Variants in DICER1 observed in about 807,000 individuals in gnomAD.
DICER1 encodes endoribonuclease Dicer.
In DICER1, 43 loss-of-function variants were observed where a neutral mutation model predicts 194.1. That is an observed-to-expected ratio of 0.22 (90% CI 0.17 to 0.29). The LOEUF (loss-of-function observed/expected upper bound fraction) is 0.29, where lower values mean the gene tolerates loss of function less well. Among genes scored for constraint, DICER1 ranks in the 10% least tolerant of loss-of-function variants. DICER1 has a pLI of 1.00. For missense variants in DICER1, 1,608 were observed against 2,317.0 expected, an observed-to-expected ratio of 0.69 and a Z score of 6.28; for synonymous variants, 832 against 820.5, an observed-to-expected ratio of 1.01 and a Z score of -0.24.
rs765918712 is a variant in DICER1 at position 95,108,516 on chromosome 14, A to T, written c.2257-13T>A. ...AACACTCTGGAATCTAGAGTTGGAA[A>T]GGAAAATTAAGCGTCATGCTCAAGC... On this transcript the variant is annotated splice_polypyrimidine_tract_variant and intron_variant, in intron 14 of 26. Transcript: ENST00000343455. 1.7e-5 allele frequency: 28 copies of T among 1,612,876 alleles called. No homozygotes were observed. Among genetic ancestry groups the T allele is most frequent in the Non-Finnish European group, 2.4e-5 (28 of 1,178,932 alleles).
intron 9 of DICER1, among the ~76,000 whole-genome samples, chr14:95,117,033 C>T (rs1892536250): frequency 6.6e-6 from 1 of 152,164 alleles, no homozygotes. Flanking sequence ...AGGCCTTCAA[C>T]AGGAATTATT....
chr14:95,145,876 G>A lies in DICER1; in HGVS notation c.-46+11354C>T, dbSNP rs1220012297. On this transcript the variant is annotated intron_variant, in intron 1 of 26. Coordinates refer to ENST00000343455, the MANE Select transcript of DICER1 (RefSeq NM_177438.3). The stretch of plus-strand genomic sequence containing the variant: ...TTAAAATTCGCTGCACATTAACCTA[G>A]TCATTACCACACACACAAAAAAAAC... Among the ~76,000 whole-genome samples, 7 of 151,692 alleles carry A rather than the reference G, an allele frequency of 4.6e-5. No homozygotes were observed. The East Asian group carries it at 1.4e-3, about 29-fold the overall frequency.
At chr14:95,106,305 G>C (rs554264393) in intron 17 of DICER1, 82 bp from the exon 18 acceptor site, 3 of 1,043,592 alleles carry the variant, frequency 2.9e-6, no homozygotes, top group Non-Finnish European at 4.4e-6. Context: ...TTGTAGTATG[G>C]AAATGATGAT....
rs899822269 is a variant in DICER1 at position 95,132,599 on chromosome 14, C to A, written c.223G>T (p.Val75Leu). 1 of 1,613,500 alleles carries A rather than the reference C, an allele frequency of 6.2e-7. No homozygotes were observed. The highest frequency in any genetic ancestry group is 1.3e-5 in the African/African-American group (1 of 74,884). ...NTGSGKTFIA[V>L]LLTKELSYQI... ...TAGGACAGCTCTTTAGTGAGTAGTA[C>A]TGCAATAAATGTCTTCCCTGAGCCA... is the stretch of plus-strand genomic sequence containing the variant. The change falls in exon 3 of 27, where the codon GTA becomes TTA. Residue 75 changes from valine to leucine, a missense_variant. Val to Leu is a conservative substitution (Grantham distance 32, BLOSUM62 1). Coordinates refer to ENST00000343455, the MANE Select transcript of DICER1 (RefSeq NM_177438.3).
At position 95,130,138 on chromosome 14, in the gene DICER1, A is replaced by G. The variant is rs894664317; in HGVS notation, c.493T>C (p.Ser165Pro). The G allele has an allele frequency of 1.2e-5, 20 of 1,613,160 alleles. No homozygotes were observed. The highest frequency in any genetic ancestry group is 1.4e-5 in the Non-Finnish European group (17 of 1,179,512). ...ALNVLKNGYL[S>P]LSDINLLVFD... ...ACCAAAAGGTTAATGTCTGACAGTGATAAGTAACCATTTTTCAAAACATTC... is the reference window on the plus strand; with the variant it reads ...ACCAAAAGGTTAATGTCTGACAGTGGTAAGTAACCATTTTTCAAAACATTC... The change falls in exon 5 of 27, where the codon TCA (serine) becomes CCA (proline). Residue 165 changes from serine (S) to proline (P), a missense_variant. Around this residue, in one of 10 missense-constraint regions of DICER1, gnomAD observed 657 missense variants for 910.1 expected, o/e 0.72. Transcript: ENST00000343455.
intron 11 of DICER1, among the ~76,000 whole-genome samples, chr14:95,113,829 G>A (rs1452739468): frequency 6.6e-6 from 1 of 152,216 alleles, no homozygotes; most frequent in African/African-American, 2.4e-5. Flanking sequence ...ATGGGCAGCA[G>A]CCCTGTGAGG....
chr14:95,129,396 G>A, intron 6 of DICER1, 76 bp downstream of exon 6: 1 of 1,390,764 alleles, frequency 7.2e-7, no homozygotes, highest in Non-Finnish European at 1.0e-6. Flanking sequence ...TCTCTGCAAG[G>A]TACTACAAAA....
intron 1 of DICER1, among the ~76,000 whole-genome samples, chr14:95,138,289 G>GT (rs747551131): frequency 1.5e-4 from 23 of 150,476 alleles, no homozygotes; most frequent in Non-Finnish European, 2.8e-4. Flanking sequence ...AAAATGATAG[G>GT]TAGCTGGTTT....
At chr14:95,146,609 A>G (rs903796424) in intron 1 of DICER1, among the ~76,000 whole-genome samples, 4 of 152,200 alleles carry the variant, frequency 2.6e-5, no homozygotes, top group African/African-American at 9.6e-5. Flanking sequence ...ATGCAGAACA[A>G]GAACTCAGGA....
intron 26 of DICER1, 45 bp downstream of exon 26, chr14:95,090,989 G>A (rs868783360): frequency 2.0e-5 from 30 of 1,523,788 alleles, no homozygotes; most frequent in Non-Finnish European, 2.4e-5. Context: ...TTTCCCCTTT[G>A]ATGTTTTTAA....
At chr14:95,116,092 A>T (rs1892440117) in intron 10 of DICER1, among the ~76,000 whole-genome samples, 1 of 143,430 alleles carries the variant, frequency 7.0e-6, no homozygotes, top group African/African-American at 2.7e-5. Flanking sequence ...CACACACACG[A>T]CTGTTAGTCT....
At chr14:95,154,006 G>GA (rs1467762043) in intron 1 of DICER1, among the ~76,000 whole-genome samples, 41 of 152,324 alleles carry the variant, frequency 2.7e-4, no homozygotes, top group African/African-American at 9.9e-4. Context: ...CTAAGCTCTT[G>GA]AATGTCCAAA....
Position 95,105,552 on chromosome 14 carries a change from T to C in DICER1, c.3093+126A>G. On this transcript the variant is annotated intron_variant, in intron 19 of 26. Transcript: ENST00000343455. This position sits in a 1 kb window ranked among gnomAD's most constrained non-coding sequence, Gnocchi z 4.9. ...AACAAAACAAAACAAAATTTGAGGATTAGGTAACTTCTAAAAAATTAACGA... is the reference window on the plus strand; with the variant it reads ...AACAAAACAAAACAAAATTTGAGGACTAGGTAACTTCTAAAAAATTAACGA... The C allele has an allele frequency of 1.3e-6, 1 of 799,408 alleles. No individual in the cohort carries two copies. The highest frequency in any genetic ancestry group is 2.1e-6 in the Non-Finnish European group (1 of 475,518). The allele number at this position is 799,408 out of a possible 1,614,324, so 49.5% of individuals were successfully genotyped here.
rs1482258814 is a variant in DICER1 at position 95,131,580 on chromosome 14, C to A, written c.367G>T (p.Glu123Ter). ...GCATTTACTTCTAGGTTTGAGTATTCCCCAACCTTGAGATCTGAATGAGTT... is the reference window on the plus strand; with the variant it reads ...GCATTTACTTCTAGGTTTGAGTATTACCCAACCTTGAGATCTGAATGAGTT... ...VRTHSDLKVGEYSNLEVNASW... is the reference protein window; with the variant it reads ...VRTHSDLKVG Residue 123 changes from glutamate to a stop codon, truncating the protein, a stop_gained, in exon 4 of 27, where the codon GAA becomes TAA. Coordinates refer to ENST00000343455, the MANE Select transcript of DICER1 (RefSeq NM_177438.3). LOFTEE classifies it high-confidence loss of function. The A allele has an allele frequency of 6.2e-7, 1 of 1,613,228 alleles. No homozygotes were observed. Among genetic ancestry groups the A allele is most frequent in the Non-Finnish European group, 8.5e-7 (1 of 1,179,368 alleles).
At chr14:95,132,815 G>A (rs1396685972) in intron 2 of DICER1, 138 bp from the exon 3 acceptor site, 5 of 801,640 alleles carry the variant, frequency 6.2e-6, no homozygotes, top group Non-Finnish European at 1.0e-5. Flanking sequence ...AAACCCCACA[G>A]TCTACGTCTT....
chr14:95,129,966 A>C, intron 5 of DICER1, 92 bp downstream of exon 5: 1 of 1,186,042 alleles, frequency 8.4e-7, no homozygotes, highest in Non-Finnish European at 1.2e-6. Context: ...AATATTGATA[A>C]CTAATATTAT....
chr14:95,104,201 T>G, intron 20 of DICER1, 75 bp from the exon 21 acceptor site: 1 of 1,278,214 alleles, frequency 7.8e-7, no homozygotes, highest in East Asian at 2.4e-5. Flanking sequence ...AATTTGAATT[T>G]AAAAACAAAA....
intron 8 of DICER1, among the ~76,000 whole-genome samples, chr14:95,118,735 T>C (rs1005768808): frequency 6.6e-6 from 1 of 152,138 alleles, no homozygotes; most frequent in Non-Finnish European, 1.5e-5. Context: ...ATGGTTTCTC[T>C]GAAGTCATAT....
Position 95,087,068 on chromosome 14 carries a change from C to G in DICER1, c.*3430G>C, listed in dbSNP as rs1889393105. 4.3e-6 allele frequency: 1 copy of G among 233,016 alleles called. No homozygotes were observed. Among genetic ancestry groups the G allele is most frequent in the Non-Finnish European group, 8.5e-6 (1 of 117,784 alleles). The allele number at this position is 233,016 out of a possible 1,614,324, so 14.4% of individuals were successfully genotyped here. A position where few individuals can be genotyped will look rare whatever the true frequency, so the allele number is the denominator to read the frequency against. ...ATCCAATATTTTAAATCAACGGGGCCTTGTGCATGAACTGCGCTCGATCTG... is the reference window on the plus strand; with the variant it reads ...ATCCAATATTTTAAATCAACGGGGCGTTGTGCATGAACTGCGCTCGATCTG... On this transcript the variant is annotated 3_prime_UTR_variant, in exon 27 of 27. Coordinates refer to ENST00000343455, the MANE Select transcript of DICER1 (RefSeq NM_177438.3).
Sources: gnomAD v4.1 joint callset for allele counts (sites outside exome capture counted in the v4.1 genomes callset) on GRCh38, gnomAD v4.1.1 for gene constraint, gnomAD v4.1.1 regional missense constraint, Gnocchi (gnomAD v3.1) non-coding constraint, MANE v1.5 for transcripts, NCBI Gene and HGNC (gene_info 2026-07-23, HGNC 2026-07-21) for gene names.